Variants in DAB1 observed in about 807,000 individuals in gnomAD.
The protein encoded by DAB1 is disabled homolog 1.
Under a neutral mutation model 64.6 loss-of-function variants are expected in DAB1, and 15 were observed. The ratio of observed to expected loss-of-function variants is 0.23; its 90% CI spans 0.16 to 0.36. The LOEUF is 0.36. Ranked by LOEUF, DAB1 falls within the 10% of genes least tolerant of loss-of-function variation. DAB1 has a pLI of 1.00. For missense variants in DAB1, 596 were observed against 706.7 expected, an observed-to-expected ratio of 0.84 and a Z score of 1.78; for synonymous variants, 235 against 251.9, an observed-to-expected ratio of 0.93 and a Z score of 0.64.
At chr1:58,371,739 C>A (rs966577756) in intron 3 of DAB1, among the ~76,000 whole-genome samples, 11 of 152,136 alleles carry the variant, frequency 7.2e-5, no homozygotes, top group African/African-American at 2.7e-4. Flanking sequence ...TGACCTGCAT[C>A]GCAGCTGCTC....
intron 3 of DAB1, among the ~76,000 whole-genome samples, chr1:58,376,333 T>G (rs977564878): frequency 7.2e-6 from 1 of 139,346 alleles, no homozygotes; most frequent in African/African-American, 2.7e-5. Flanking sequence ...TAAATTTCCC[T>G]CTACACACTG....
intron 6 of DAB1, among the ~76,000 whole-genome samples, chr1:57,811,845 G>T (rs774708337): frequency 6.6e-6 from 1 of 152,170 alleles, no homozygotes; most frequent in East Asian, 1.9e-4. Context: ...AGCCATGTGG[G>T]TGTGACTGTT....
chr1:57,778,148 A>G (rs1488882739), intron 6 of DAB1, among the ~76,000 whole-genome samples: 1 of 152,056 alleles, frequency 6.6e-6, no homozygotes, highest in East Asian at 1.9e-4. Flanking sequence ...CTTCTGCCGT[A>G]TGCATTCATA....
At chr1:58,299,780 G>A (rs978205232) in intron 4 of DAB1, among the ~76,000 whole-genome samples, 2 of 152,174 alleles carry the variant, frequency 1.3e-5, no homozygotes, top group Non-Finnish European at 2.9e-5. Flanking sequence ...TCTGCTCAGA[G>A]TATGTAGGGC....
At chr1:57,953,713 C>T (rs1396656029) in intron 5 of DAB1, among the ~76,000 whole-genome samples, 2 of 152,274 alleles carry the variant, frequency 1.3e-5, no homozygotes, top group East Asian at 1.9e-4. Flanking sequence ...CTAGTTGGAA[C>T]TGGCCAATGA....
At chr1:57,191,018 T>G (rs1664074922) in intron 2 of DAB1, among the ~76,000 whole-genome samples, 1 of 152,174 alleles carries the variant, frequency 6.6e-6, no homozygotes, top group Non-Finnish European at 1.5e-5. Flanking sequence ...AACCCAGCTA[T>G]TAATGTCAGC....
chr1:57,099,647 C>T (rs906379323), intron 4 of DAB1, among the ~76,000 whole-genome samples: 3 of 152,112 alleles, frequency 2.0e-5, no homozygotes, highest in Non-Finnish European at 4.4e-5. Flanking sequence ...TTAGAAAAAG[C>T]CAACGCAATA....
At chr1:58,300,638 GAGAGAGAGAGGAAGGAAGGAAGGAAGGA>G (rs1237648237) in intron 4 of DAB1, among the ~76,000 whole-genome samples, 7 of 61,842 alleles carry the variant, frequency 1.1e-4, no homozygotes, top group South Asian at 8.2e-4. Context: ...GAGAGAGAGA[GAGAGAGAGAGGAAGGAAGGAAGGAAGGA>G]AGGAAGGAAG....
intron 7 of DAB1, among the ~76,000 whole-genome samples, chr1:57,491,500 G>T (rs1281216090): frequency 6.6e-6 from 1 of 151,838 alleles, no homozygotes; most frequent in Admixed American, 6.6e-5. Flanking sequence ...AACTGTTGGA[G>T]GACAACAAAT....
intron 1 of DAB1, among the ~76,000 whole-genome samples, chr1:57,329,153 C>A (rs1226784526): frequency 1.3e-5 from 2 of 152,182 alleles, no homozygotes; most frequent in African/African-American, 2.4e-5. Context: ...TGGAGTCCAG[C>A]ACAATGAGTG....
intron 2 of DAB1, among the ~76,000 whole-genome samples, chr1:57,203,173 GC>G (rs1665245097): frequency 6.6e-6 from 1 of 152,054 alleles, no homozygotes; most frequent in African/African-American, 2.4e-5. Flanking sequence ...CAGGATAATT[GC>G]CCCATAATCT....
chr1:57,850,721 C>A (rs1202774124), intron 1 of DAB1, among the ~76,000 whole-genome samples: 1 of 152,188 alleles, frequency 6.6e-6, no homozygotes, highest in Admixed American at 6.5e-5. Context: ...CTCTGACACT[C>A]AAATGCCTGC....
chr1:58,501,503 C>T (rs750156421), intron 3 of DAB1, among the ~76,000 whole-genome samples: 2 of 152,172 alleles, frequency 1.3e-5, no homozygotes, highest in Non-Finnish European at 2.9e-5. Flanking sequence ...ATAAGGCCCA[C>T]GCCCTCCCCC....
chr1:57,068,766 AC>A (rs761415351), intron 8 of DAB1, among the ~76,000 whole-genome samples: 90 of 152,182 alleles, frequency 5.9e-4, no homozygotes, highest in Non-Finnish European at 7.6e-4. Flanking sequence ...TAGTTGTACA[AC>A]CCCGAGAAAG....
intron 5 of DAB1, among the ~76,000 whole-genome samples, chr1:58,139,481 G>A (rs532572082): frequency 1.1e-4 from 17 of 152,196 alleles, no homozygotes; most frequent in South Asian, 8.3e-4. Flanking sequence ...AAGCAAAGGC[G>A]GAAAAGGCCC....
chr1:57,829,202 A>T (rs1425513897), intron 1 of DAB1, among the ~76,000 whole-genome samples: 1 of 152,210 alleles, frequency 6.6e-6, no homozygotes, highest in Admixed American at 6.5e-5. Context: ...TGAAAAATTT[A>T]AAAGTGAATT....
At chr1:58,212,067 G>T (rs1658578717) in intron 4 of DAB1, among the ~76,000 whole-genome samples, 1 of 152,092 alleles carries the variant, frequency 6.6e-6, no homozygotes. Context: ...GCTCAATAAA[G>T]GAAACCCTGG....
chr1:58,151,982 C>G (rs1654964377), intron 4 of DAB1, among the ~76,000 whole-genome samples: 1 of 151,974 alleles, frequency 6.6e-6, no homozygotes, highest in African/African-American at 2.4e-5. Flanking sequence ...ATATCCCAGG[C>G]AGAGAGAACA....
chr1:58,072,094 G>GGGGGGGA (rs35921263), intron 5 of DAB1, among the ~76,000 whole-genome samples: 1 of 107,778 alleles, frequency 9.3e-6, no homozygotes, highest in Admixed American at 1.2e-4. Context: ...GTGGGGGGGG[G>GGGGGGGA]TGGGTAGTAG....
Sources: allele counts gnomAD v4.1 joint callset (sites outside exome capture counted in the v4.1 genomes callset), GRCh38; gene constraint gnomAD v4.1.1; transcripts MANE v1.5; gene names NCBI Gene and HGNC (gene_info 2026-07-23, HGNC 2026-07-21).